The following AGBL1 variants were observed in gnomAD, a reference collection of about 807,000 sequenced individuals.
AGBL1 encodes cytosolic carboxypeptidase 4.
AGBL1 carries 130 observed loss-of-function variants against 118.9 expected under a neutral mutation model. The observed-to-expected ratio is 1.09, with a 90% confidence interval of 0.95 to 1.26. The LOEUF (loss-of-function observed/expected upper bound fraction) is 1.26, where lower values mean the gene tolerates loss of function less well. Among genes scored for constraint, AGBL1 ranks in the 50% most tolerant of loss-of-function variants. The pLI, the probability that AGBL1 is intolerant of heterozygous loss-of-function variation, is 0.00. For missense variants in AGBL1, 1,584 were observed against 1,298.1 expected (o/e 1.22, Z -3.38); for synonymous variants, 555 against 478.9 (o/e 1.16, Z -2.08).
chr15:86,200,827 G>A (rs2077896576), intron 5 of AGBL1, among the ~76,000 whole-genome samples: 1 of 151,936 alleles, frequency 6.6e-6, no homozygotes, highest in African/African-American at 2.4e-5. Context: ...GGTTGGCCAG[G>A]CTGGTCTCCA....
exon 25 of AGBL1, chr15:87,029,032 TAA>T: frequency 1.8e-6 from 1 of 558,550 alleles, no homozygotes; most frequent in South Asian, 2.8e-5. Context: ...GCAATCTTCA[TAA>T]AAATAGACTC....
At chr15:86,840,676 G>T (rs1228245547) in intron 22 of AGBL1, among the ~76,000 whole-genome samples, 1 of 151,974 alleles carries the variant, frequency 6.6e-6, no homozygotes, top group Non-Finnish European at 1.5e-5. Context: ...CCGACCTCAG[G>T]TGATCCACCC....
intron 22 of AGBL1, among the ~76,000 whole-genome samples, chr15:86,769,423 C>G (rs564327518): frequency 1.0e-3 from 154 of 151,970 alleles, no homozygotes; most frequent in African/African-American, 3.6e-3. Context: ...CTCAGAGGAC[C>G]GAGACCCTGT....
intron 22 of AGBL1, among the ~76,000 whole-genome samples, chr15:86,733,371 G>A (rs1045327634): frequency 6.6e-6 from 1 of 152,084 alleles, no homozygotes; most frequent in African/African-American, 2.4e-5. Flanking sequence ...CCACTGTGAA[G>A]ATGAGAGCAA....
At chr15:86,170,796 A>G (rs929132247) in intron 5 of AGBL1, among the ~76,000 whole-genome samples, 9 of 151,850 alleles carry the variant, frequency 5.9e-5, no homozygotes, top group African/African-American at 2.2e-4. Flanking sequence ...CAGTGAGCCG[A>G]GATCACACCA....
At position 86,263,040 on chromosome 15, in the gene AGBL1, A is replaced by G. The variant is rs1195588537; in HGVS notation, c.1086+146A>G. The G allele has an allele frequency of 1.2e-5, 8 of 662,024 alleles. No individual in the cohort carries two copies. In the East Asian group the frequency reaches 2.2e-4, roughly 18 times the overall value. 41.0% of individuals were successfully genotyped at this position (662,024 alleles called of 1,614,324 possible). Reference sequence around the variant, plus strand: ...GGGCTCTTCCTTAGAGAAAAGCAGAATGCTAAACAAAAGTGGGAAAAGATG... The same window carrying G: ...GGGCTCTTCCTTAGAGAAAAGCAGAGTGCTAAACAAAAGTGGGAAAAGATG... On this transcript the variant is annotated intron_variant, in intron 10 of 22. Coordinates refer to ENST00000614907, the MANE Select transcript of AGBL1 (RefSeq NM_001386094.1).
chr15:86,947,644 A>G (rs1596663436), intron 23 of AGBL1, among the ~76,000 whole-genome samples: 1 of 152,178 alleles, frequency 6.6e-6, no homozygotes, highest in Admixed American at 6.6e-5. Context: ...AAGGAAGAAA[A>G]TGTGCACAAA....
chr15:86,870,490 A>AAAAAAAAAAAAAAAAAAAAAAC (rs2079710017), intron 22 of AGBL1, among the ~76,000 whole-genome samples: 1 of 127,418 alleles, frequency 7.8e-6, no homozygotes, highest in African/African-American at 2.9e-5. Context: ...AAAAAAAAAA[A>AAAAAAAAAAAAAAAAAAAAAAC]AAAAAAGAAG....
intron 22 of AGBL1, among the ~76,000 whole-genome samples, chr15:86,702,725 C>T (rs1199278008): frequency 6.6e-6 from 1 of 152,074 alleles, no homozygotes; most frequent in African/African-American, 2.4e-5. Context: ...CTTGCATCTC[C>T]TATGTGTCTC....
chr15:86,573,082 T>C (rs981182891), intron 21 of AGBL1, among the ~76,000 whole-genome samples: 1 of 152,238 alleles, frequency 6.6e-6, no homozygotes, highest in Non-Finnish European at 1.5e-5. Context: ...TATATAAATG[T>C]TTGTTTCATC....
intron 1 of AGBL1, among the ~76,000 whole-genome samples, chr15:86,124,015 A>G (rs1251107122): frequency 2.0e-5 from 3 of 152,114 alleles, no homozygotes. Context: ...GAAATCTAGT[A>G]AAGTCCAGAG....
intron 22 of AGBL1, among the ~76,000 whole-genome samples, chr15:86,900,108 C>T (rs773770611): frequency 1.3e-5 from 2 of 152,108 alleles, no homozygotes; most frequent in Non-Finnish European, 2.9e-5. Context: ...AGTGATTTGC[C>T]AGGAGCTCTC....
chr15:86,556,867 C>T (rs1315811662), intron 21 of AGBL1, among the ~76,000 whole-genome samples: 1 of 152,116 alleles, frequency 6.6e-6, no homozygotes, highest in African/African-American at 2.4e-5. Context: ...TTTGCAGTTT[C>T]TCTGGTTAAT....
intron 21 of AGBL1, among the ~76,000 whole-genome samples, chr15:86,652,580 GGTA>G (rs1309253771): frequency 6.6e-6 from 1 of 151,640 alleles, no homozygotes; most frequent in Non-Finnish European, 1.5e-5. Flanking sequence ...CATTTGTTTG[GGTA>G]AGACCTGCCT....
rs575677651 is a variant in AGBL1, at chr15:86,167,320, G to T, written c.488+8294G>T. Among the ~76,000 whole-genome samples, 112 of 150,744 alleles carry T rather than the reference G, an allele frequency of 7.4e-4. 1 individual carries two copies. Among genetic ancestry groups the T allele is most frequent in the South Asian group, 2.5e-3 (12 of 4,750 alleles). On this transcript the variant is annotated intron_variant, in intron 5 of 22. Coordinates refer to ENST00000614907, the MANE Select transcript of AGBL1 (RefSeq NM_001386094.1). ...GAGTGCAGTGGCCTGATCCTGGCTC[G>T]CTGCAACCTCCACCTCCTGGGTTCA... is the stretch of plus-strand genomic sequence containing the variant.
chr15:86,955,415 A>T (rs1367887776), intron 23 of AGBL1, among the ~76,000 whole-genome samples: 1 of 152,108 alleles, frequency 6.6e-6, no homozygotes, highest in African/African-American at 2.4e-5. Context: ...ATCAGTTCTG[A>T]AACAAAGGAG....
intron 23 of AGBL1, among the ~76,000 whole-genome samples, chr15:86,983,140 T>C (rs1252951491): frequency 1.3e-5 from 2 of 152,212 alleles, no homozygotes; most frequent in Non-Finnish European, 2.9e-5. Context: ...ATGATTACTA[T>C]TGAGTTGACC....
intron 23 of AGBL1, among the ~76,000 whole-genome samples, chr15:86,930,470 T>C (rs1041606556): frequency 1.3e-5 from 2 of 152,134 alleles, no homozygotes; most frequent in Non-Finnish European, 2.9e-5. Flanking sequence ...CTGTTTATTC[T>C]GTAATTAACA....
chr15:86,505,580 AC>A (rs1277744349), intron 18 of AGBL1, among the ~76,000 whole-genome samples: 1 of 151,876 alleles, frequency 6.6e-6, no homozygotes, highest in Non-Finnish European at 1.5e-5. Context: ...CAGGTATTGT[AC>A]TTTTGAATTC....
Sources: allele counts gnomAD v4.1 joint callset (sites outside exome capture counted in the v4.1 genomes callset), GRCh38; gene constraint gnomAD v4.1.1; transcripts MANE v1.5; gene names NCBI Gene and HGNC (gene_info 2026-07-23, HGNC 2026-07-21).